The following COL5A2 variants were observed in gnomAD, a reference collection of about 807,000 sequenced individuals.
COL5A2 encodes the protein collagen alpha-2(V) chain.
A neutral mutation model predicts 208.2 loss-of-function variants in COL5A2; 23 were observed. The observed-to-expected ratio is 0.11, with a 90% confidence interval of 0.08 to 0.16. The LOEUF (loss-of-function observed/expected upper bound fraction) is 0.16. Among genes scored for constraint, COL5A2 ranks in the 10% least tolerant of loss-of-function variants. The pLI is 1.00. For synonymous variants in COL5A2, 625 were observed against 628.5 expected, an observed-to-expected ratio of 0.99 and a Z score of 0.08; for missense variants, 1,590 against 1,956.4, an observed-to-expected ratio of 0.81 and a Z score of 3.53.
chr2:189,090,620 T>C (rs72906305), intron 7 of COL5A2, among the ~76,000 whole-genome samples: 20,204 of 152,220 alleles, frequency 0.13, 1,372 homozygotes, highest in Middle Eastern at 0.19. Context: ...ATTCTCTTGT[T>C]AGGGGTTAAT....
chr2:189,201,417 A>C (rs1689066737), intron 1 of COL5A2, among the ~76,000 whole-genome samples: 1 of 152,034 alleles, frequency 6.6e-6, no homozygotes, highest in Non-Finnish European at 1.5e-5. Flanking sequence ...AATATACAGA[A>C]TGCAACACAG....
At chr2:189,077,501 A>G (rs951689879) in intron 16 of COL5A2, among the ~76,000 whole-genome samples, 1 of 152,210 alleles carries the variant, frequency 6.6e-6, no homozygotes, top group African/African-American at 2.4e-5. Context: ...ATGTGGGAAG[A>G]GCAATAGCCA....
chr2:189,128,945 C>A (rs1356279976), intron 1 of COL5A2, among the ~76,000 whole-genome samples: 1 of 151,890 alleles, frequency 6.6e-6, no homozygotes, highest in Admixed American at 6.6e-5. Flanking sequence ...AAGGCAAAAA[C>A]CCTCTTGAAT....
the COL5A2 span, among the ~76,000 whole-genome samples, chr2:189,248,641 T>A: frequency 6.6e-6 from 1 of 152,174 alleles, no homozygotes; most frequent in Admixed American, 6.5e-5. Flanking sequence ...CTGCTTTTTG[T>A]AATATGTGGC....
At chr2:189,366,935 T>G in the COL5A2 span, among the ~76,000 whole-genome samples, 1 of 152,154 alleles carries the variant, frequency 6.6e-6, no homozygotes, top group African/African-American at 2.4e-5. Context: ...ATCCCTAGAA[T>G]GAGATTGTGC....
At chr2:189,060,834 G>A (rs1411208262) in intron 30 of COL5A2, 51 bp from the exon 31 acceptor site, 3 of 1,342,480 alleles carry the variant, frequency 2.2e-6, no homozygotes, top group Non-Finnish European at 3.2e-6. Context: ...AGTTTAACAG[G>A]CTACCAGTGT....
At chr2:189,096,191 C>G (rs1455589248) in intron 6 of COL5A2, 2 of 151,866 alleles carry the variant, frequency 1.3e-5, no homozygotes, top group African/African-American at 4.8e-5. Context: ...TCTTCTAATC[C>G]TCCCATTTAA....
the COL5A2 span, among the ~76,000 whole-genome samples, chr2:189,375,958 G>A: frequency 1.3e-5 from 2 of 152,148 alleles, no homozygotes; most frequent in Non-Finnish European, 2.9e-5. Flanking sequence ...GTCCTCTACA[G>A]GGAAAATGAG....
the COL5A2 span, chr2:189,312,117 A>C: frequency 1.2e-6 from 1 of 854,736 alleles, no homozygotes; most frequent in Admixed American, 1.7e-5. Context: ...AGCATTTGCG[A>C]AGATCTGAGA....
the COL5A2 span, among the ~76,000 whole-genome samples, chr2:189,367,639 A>G: frequency 6.6e-6 from 1 of 152,226 alleles, no homozygotes; most frequent in Non-Finnish European, 1.5e-5. Context: ...CTCCAAGACA[A>G]GCATCTTATT....
At chr2:189,129,427 A>G (rs1687668747) in intron 1 of COL5A2, among the ~76,000 whole-genome samples, 1 of 152,192 alleles carries the variant, frequency 6.6e-6, no homozygotes, top group East Asian at 1.9e-4. Flanking sequence ...GGATTTTTCA[A>G]GCTTCTATTT....
the COL5A2 span, among the ~76,000 whole-genome samples, chr2:189,310,953 G>A: frequency 6.6e-6 from 1 of 151,986 alleles, no homozygotes; most frequent in Non-Finnish European, 1.5e-5. Flanking sequence ...GCAGGGGGAG[G>A]TGGGGATGTT....
In COL5A2 at chr2:189,068,042, A is replaced by T; in HGVS notation, c.1374T>A (p.Thr458=). The change falls in exon 21 of 54, where the codon ACT becomes ACA. Residue 458 remains threonine, a synonymous_variant. Transcript: ENST00000374866. ...GTTGGCCTCGAATTCCCTGAGGACC[A>T]GTGCTACCCTGAGGTCCTGGAGATC... is the stretch of plus-strand genomic sequence containing the variant. ...PPGSPGPQGS[T]GPQGIRGQPG... is the part of the protein sequence containing the mutation. 6.2e-7 allele frequency: 1 copy of T among 1,614,080 alleles called. No homozygotes were observed. The highest frequency in any genetic ancestry group is 1.1e-5 in the South Asian group (1 of 91,080).
In COL5A2 at chr2:189,213,966, C is replaced by T. The variant is rs978300325; in HGVS notation, c.-42+11182G>A. ...TCATATACACATATACATATATATGCATGTGTGTTTTTGTATCTGGATTAT... is the reference window on the plus strand; with the variant it reads ...TCATATACACATATACATATATATGTATGTGTGTTTTTGTATCTGGATTAT... On this transcript the variant is annotated intron_variant, in intron 1 of 10. Coordinates refer to the COL5A2 transcript ENST00000649966. Among the ~76,000 whole-genome samples the T allele has an allele frequency of 2.0e-5, 3 of 152,058 alleles. No individual in the cohort carries two copies. The South Asian group carries it at 6.2e-4, about 32-fold the overall frequency.
the COL5A2 span, among the ~76,000 whole-genome samples, chr2:189,400,498 A>AT: frequency 6.6e-6 from 1 of 152,062 alleles, no homozygotes; most frequent in Non-Finnish European, 1.5e-5. Context: ...TTTACAGGAT[A>AT]TTTTTTTGCA....
chr2:189,426,913 A>G, the COL5A2 span, among the ~76,000 whole-genome samples: 21 of 152,246 alleles, frequency 1.4e-4, no homozygotes, highest in Non-Finnish European at 2.8e-4. Flanking sequence ...AAAGGGAAGC[A>G]AAGTGTAAAA....
chr2:189,311,052 G>C, the COL5A2 span, among the ~76,000 whole-genome samples: 2 of 152,020 alleles, frequency 1.3e-5, no homozygotes, highest in East Asian at 1.9e-4. Flanking sequence ...TGCAAGTGGG[G>C]TGACTCTTGC....
the COL5A2 span, among the ~76,000 whole-genome samples, chr2:189,331,092 A>G: frequency 1.3e-5 from 2 of 152,212 alleles, no homozygotes; most frequent in Non-Finnish European, 2.9e-5. Context: ...AATTTGAACA[A>G]AAATGTTAAA....
intron 1 of COL5A2, among the ~76,000 whole-genome samples, chr2:189,135,451 A>G (rs1415029946): frequency 6.6e-6 from 1 of 152,200 alleles, no homozygotes; most frequent in Non-Finnish European, 1.5e-5. Context: ...TAAGCTTGAA[A>G]ATGAAGTACT....
Sources: allele counts gnomAD v4.1 joint callset (sites outside exome capture counted in the v4.1 genomes callset), GRCh38; gene constraint gnomAD v4.1.1; transcripts MANE v1.5; gene names NCBI Gene and HGNC (gene_info 2026-07-23, HGNC 2026-07-21).